BANK1: variants seen among roughly 807,000 people sequenced by gnomAD.
BANK1 encodes the protein B-cell scaffold protein with ankyrin repeats.
Under a neutral mutation model 94.5 loss-of-function variants are expected in BANK1, and 95 were observed. The observed-to-expected ratio is 1.00, with a 90% CI of 0.85 to 1.19. The LOEUF (loss-of-function observed/expected upper bound fraction) is 1.19. Among genes scored for constraint, BANK1 ranks in the 50% most tolerant of loss-of-function variants. BANK1 has a pLI of 0.00. For synonymous variants in BANK1, 334 were observed against 308.4 expected (o/e 1.08, Z -0.87); for missense variants, 987 against 932.2 (o/e 1.06, Z -0.77).
chr4:102,039,295 A>G (rs1042232297), intron 10 of BANK1, among the ~76,000 whole-genome samples: 2 of 152,152 alleles, frequency 1.3e-5, no homozygotes, highest in African/African-American at 4.8e-5. Flanking sequence ...GCACAATTAA[A>G]TGGTGGCTTT....
chr4:101,919,830 A>G (rs1484578007), intron 7 of BANK1, among the ~76,000 whole-genome samples: 3 of 152,108 alleles, frequency 2.0e-5, no homozygotes, highest in African/African-American at 7.2e-5. Context: ...AGATCTGTCA[A>G]TGCGTTTTCA....
chr4:101,882,961 G>T (rs1728732422), intron 5 of BANK1, among the ~76,000 whole-genome samples: 1 of 152,176 alleles, frequency 6.6e-6, no homozygotes, highest in African/African-American at 2.4e-5. Flanking sequence ...ATTCCTGATG[G>T]AAGGTTTGAG....
chr4:101,886,455 G>T (rs1457887111), intron 5 of BANK1, among the ~76,000 whole-genome samples: 3 of 152,122 alleles, frequency 2.0e-5, no homozygotes, highest in Admixed American at 1.3e-4. Flanking sequence ...TTTCTGAAAT[G>T]TTTTCAATAA....
chr4:102,000,069 C>T (rs1032247508), intron 7 of BANK1, among the ~76,000 whole-genome samples: 1 of 152,032 alleles, frequency 6.6e-6, no homozygotes, highest in East Asian at 1.9e-4. Flanking sequence ...CCTGTAATCC[C>T]AGCACTTTGG....
At chr4:101,798,990 C>T (rs992600769) in intron 1 of BANK1, among the ~76,000 whole-genome samples, 3 of 152,126 alleles carry the variant, frequency 2.0e-5, no homozygotes, top group Admixed American at 6.5e-5. Flanking sequence ...TCAATTTTGG[C>T]TTTTGTTGCC....
chr4:101,943,584 T>C (rs545102870), intron 7 of BANK1, among the ~76,000 whole-genome samples: 1 of 151,024 alleles, frequency 6.6e-6, no homozygotes, highest in South Asian at 2.1e-4. Context: ...AAGGAGGAGA[T>C]CTGAGGGAGA....
At chr4:101,827,298 A>G (rs1726403002) in intron 1 of BANK1, among the ~76,000 whole-genome samples, 1 of 151,912 alleles carries the variant, frequency 6.6e-6, no homozygotes, top group Non-Finnish European at 1.5e-5. Context: ...AAGTTAATTT[A>G]AAGTAAAACT....
chr4:101,880,232 TC>T (rs1728629109), intron 5 of BANK1, among the ~76,000 whole-genome samples: 1 of 151,918 alleles, frequency 6.6e-6, no homozygotes, highest in Non-Finnish European at 1.5e-5. Flanking sequence ...ATAAACAAAT[TC>T]AGTAAAGTTG....
At chr4:102,009,721 T>TA (rs1319233996) in intron 7 of BANK1, among the ~76,000 whole-genome samples, 2 of 152,232 alleles carry the variant, frequency 1.3e-5, no homozygotes, top group Non-Finnish European at 2.9e-5. Context: ...ACCTACCTCA[T>TA]AAAATTGTTT....
At chr4:101,830,776 G>C (rs1726586986) in intron 2 of BANK1, among the ~76,000 whole-genome samples, 1 of 152,150 alleles carries the variant, frequency 6.6e-6, no homozygotes, top group African/African-American at 2.4e-5. Context: ...GTGTGAAAGG[G>C]GTGCTGTGGT....
At chr4:101,957,002 C>T (rs1208458503) in intron 7 of BANK1, among the ~76,000 whole-genome samples, 1 of 152,156 alleles carries the variant, frequency 6.6e-6, no homozygotes, top group African/African-American at 2.4e-5. Context: ...TTATGCCCAT[C>T]ATCTCCTTCC....
In BANK1 at chr4:101,968,508, A is replaced by G. The variant is rs539807946; in HGVS notation, c.1206+50319A>G. Reference sequence around the variant, plus strand: ...TTGTACAGAAAACTTTTTTTTTTCTAGTGTCTGAAATGTGGTCTCAAAGGG... The same window carrying G: ...TTGTACAGAAAACTTTTTTTTTTCTGGTGTCTGAAATGTGGTCTCAAAGGG... On this transcript the variant is annotated intron_variant, in intron 7 of 16. Transcript: ENST00000322953. 7.5e-4 allele frequency among the ~76,000 whole-genome samples: 114 copies of G among 151,726 alleles called. 2 individuals carry two copies. In the South Asian group the frequency reaches 0.022, roughly 30 times the overall value.
At position 102,010,221 on chromosome 4, in the gene BANK1, A is replaced by C. The variant is rs576776031; in HGVS notation, c.1207-11293A>C. Among the ~76,000 whole-genome samples, 1,107 of 151,884 alleles carry C rather than the reference A, an allele frequency of 7.3e-3. 5 individuals carry two copies. Among genetic ancestry groups the C allele is most frequent in the Middle Eastern group, 0.051 (15 of 294 alleles). Reference sequence around the variant, plus strand: ...CAGAGCTTGCAGTGAGCAGAGATCCAGCCACTGCACTCCAGCCTGGGCGAC... The same window carrying C: ...CAGAGCTTGCAGTGAGCAGAGATCCCGCCACTGCACTCCAGCCTGGGCGAC... On this transcript the variant is annotated intron_variant, in intron 7 of 16. Transcript: ENST00000322953.
At chr4:101,998,241 T>C (rs1340849540) in intron 7 of BANK1, among the ~76,000 whole-genome samples, 1 of 152,230 alleles carries the variant, frequency 6.6e-6, no homozygotes, top group Non-Finnish European at 1.5e-5. Context: ...GTGAGTTTCT[T>C]AATCCTGAGT....
At chr4:101,821,667 T>C (rs1726154732) in intron 1 of BANK1, among the ~76,000 whole-genome samples, 1 of 152,182 alleles carries the variant, frequency 6.6e-6, no homozygotes, top group South Asian at 2.1e-4. Context: ...TTTGTTTGTT[T>C]GTTTGCTTGA....
chr4:101,804,365 C>T lies in BANK1; in HGVS notation c.70+13415C>T, dbSNP rs555652413. Among the ~76,000 whole-genome samples the T allele has an allele frequency of 1.2e-3, 177 of 152,258 alleles. 1 individual carries two copies. Among genetic ancestry groups the T allele is most frequent in the African/African-American group, 3.8e-3 (159 of 41,560 alleles). ...TAAAATGGTGTATGATGACAGTCATCTCTGAGTGAGTAGTTTGTCTGTCTA... is the reference window on the plus strand; with the variant it reads ...TAAAATGGTGTATGATGACAGTCATTTCTGAGTGAGTAGTTTGTCTGTCTA... On this transcript the variant is annotated intron_variant, in intron 1 of 16. Coordinates refer to ENST00000322953, the MANE Select transcript of BANK1 (RefSeq NM_017935.5).
rs534112314 is a variant in BANK1 at position 101,825,582 on chromosome 4, G to A, written c.71-4226G>A. ...AAGTAACTTAACCCCTCTGAGCCTC[G>A]ATGAGAACATCAGTAAAATAAGACT... is the stretch of plus-strand genomic sequence containing the variant. On this transcript the variant is annotated intron_variant, in intron 1 of 16. Transcript: ENST00000322953. 2.6e-5 allele frequency among the ~76,000 whole-genome samples: 4 copies of A among 152,058 alleles called. No individual in the cohort carries two copies. The South Asian group carries it at 6.2e-4, about 24-fold the overall frequency.
intron 6 of BANK1, 24 bp downstream of exon 6, chr4:101,895,434 ATTATTCTT>A (rs1722039696): frequency 7.2e-7 from 1 of 1,380,174 alleles, no homozygotes; most frequent in Admixed American, 1.8e-5. Context: ...AGCTGCATCA[ATTATTCTT>A]TTTATCACAT....
intron 7 of BANK1, among the ~76,000 whole-genome samples, chr4:102,006,438 A>C (rs1053708463): frequency 2.0e-5 from 3 of 151,996 alleles, no homozygotes; most frequent in African/African-American, 7.2e-5. Flanking sequence ...TTTAATGTGC[A>C]TTCAGGGCAA....
Sources: allele counts gnomAD v4.1 joint callset (sites outside exome capture counted in the v4.1 genomes callset), GRCh38; gene constraint gnomAD v4.1.1; transcripts MANE v1.5; gene names NCBI Gene and HGNC (gene_info 2026-07-23, HGNC 2026-07-21).